The following ZNF93 variants were observed in gnomAD, a reference collection of about 807,000 sequenced individuals.
ZNF93 encodes zinc finger protein 505.
A neutral mutation model predicts 45.0 loss-of-function variants in ZNF93; 29 were observed. That is an observed-to-expected ratio of 0.64 (90% CI 0.48 to 0.88). The LOEUF is 0.88. ZNF93 is among the 40% of genes least tolerant of loss of function. ZNF93 has a pLI of 0.00. For missense variants in ZNF93, 578 were observed against 724.0 expected (o/e 0.80, Z 2.31); for synonymous variants, 223 against 244.6 (o/e 0.91, Z 0.82).
chr19:19,934,856 C>T lies in ZNF93; in HGVS notation c.*38C>T, dbSNP rs2063388363. On this transcript the variant is annotated 3_prime_UTR_variant, in exon 4 of 4. Transcript: ENST00000343769. ...TGTGGCAAAGCCTTCAAGTGGTCCT[C>T]ACACCTTACTATACACTGAGAGTTC... 1.3e-6 allele frequency: 2 copies of T among 1,567,526 alleles called. No homozygotes were observed. Among genetic ancestry groups the T allele is most frequent in the Non-Finnish European group, 1.7e-6 (2 of 1,156,722 alleles).
intron 3 of ZNF93, among the ~76,000 whole-genome samples, chr19:19,923,944 T>C (rs1330322745): frequency 1.3e-5 from 2 of 152,162 alleles, no homozygotes; most frequent in African/African-American, 4.8e-5. Context: ...TGTCCGACAA[T>C]TCCCAGTGAG....
At chr19:19,915,444 T>C in intron 2 of ZNF93, 38 bp downstream of exon 2, 1 of 1,579,968 alleles carries the variant, frequency 6.3e-7, no homozygotes, top group South Asian at 1.2e-5. Context: ...TAATACACCC[T>C]AAAGGTTTTA....
intron 3 of ZNF93, among the ~76,000 whole-genome samples, chr19:19,918,039 G>A (rs1434746686): frequency 1.3e-5 from 2 of 151,080 alleles, no homozygotes; most frequent in African/African-American, 2.4e-5. Flanking sequence ...CCATGTTGGT[G>A]TGCTGCACCC....
At chr19:19,926,704 G>A (rs1180260032) in intron 3 of ZNF93, among the ~76,000 whole-genome samples, 1 of 151,966 alleles carries the variant, frequency 6.6e-6, no homozygotes, top group Non-Finnish European at 1.5e-5. Flanking sequence ...TTTTACTTAA[G>A]TATTATAATT....
intron 3 of ZNF93, among the ~76,000 whole-genome samples, chr19:19,927,600 A>G (rs377244730): frequency 4.6e-5 from 7 of 152,200 alleles, no homozygotes; most frequent in African/African-American, 1.4e-4. Context: ...GGATTAATTC[A>G]GGTGACATAA....
chr19:19,930,563 G>A (rs560001532), intron 3 of ZNF93, among the ~76,000 whole-genome samples: 6 of 140,510 alleles, frequency 4.3e-5, no homozygotes, highest in African/African-American at 7.8e-5. Context: ...GGCAACGGGC[G>A]TCTTCCCAGA....
intron 1 of ZNF93, among the ~76,000 whole-genome samples, chr19:19,914,327 C>T (rs1294625988): frequency 6.6e-6 from 1 of 152,162 alleles, no homozygotes; most frequent in African/African-American, 2.4e-5. Context: ...TACTTGCTCT[C>T]TAGGGTGCTA....
intron 1 of ZNF93, among the ~76,000 whole-genome samples, chr19:19,906,260 T>TA (rs2063292615): frequency 6.6e-6 from 1 of 151,950 alleles, no homozygotes. Flanking sequence ...TCATTGTGGT[T>TA]TTTCTTTAAT....
chr19:19,923,272 G>A (rs1318657264), intron 3 of ZNF93, among the ~76,000 whole-genome samples: 1 of 152,126 alleles, frequency 6.6e-6, no homozygotes, highest in East Asian at 1.9e-4. Flanking sequence ...AGCAAATGTT[G>A]CTGCTCCAGA....
Position 19,933,243 on chromosome 19 carries a change from A to G in ZNF93, c.288A>G (p.Gln96=). The G allele has an allele frequency of 6.2e-7, 1 of 1,605,794 alleles. No individual in the cohort carries two copies. Residue 96 remains glutamine, a synonymous_variant, in exon 4 of 4, where the codon CAA becomes CAG. Coordinates refer to ENST00000343769, the MANE Select transcript of ZNF93 (RefSeq NM_031218.4). The part of the protein sequence containing the change: ...WPEQNIKDSF[Q]KVILRRYEKR... ...AGCAGAACATAAAAGATTCTTTCCA[A>G]AAAGTGATACTGAGAAGATATGAAA...
Position 19,935,446 on chromosome 19 carries a change from T to G in ZNF93, c.*628T>G, listed in dbSNP as rs992146063. The G allele has an allele frequency of 6.6e-6, 1 of 152,486 alleles. No individual in the cohort carries two copies. The allele number at this position is 152,486 out of a possible 1,614,324, so 9.4% of individuals were successfully genotyped here. On this transcript the variant is annotated 3_prime_UTR_variant, in exon 4 of 4. Coordinates refer to ENST00000343769, the MANE Select transcript of ZNF93 (RefSeq NM_031218.4). Reference sequence around the variant, plus strand: ...AGTTTATGAAAACTTGAAAAGGTGTTTGCTCCATCAAATTCAGACACCAGT... The same window carrying G: ...AGTTTATGAAAACTTGAAAAGGTGTGTGCTCCATCAAATTCAGACACCAGT...
At chr19:19,931,438 G>A (rs1238281942) in intron 3 of ZNF93, among the ~76,000 whole-genome samples, 2 of 152,090 alleles carry the variant, frequency 1.3e-5, no homozygotes, top group Non-Finnish European at 2.9e-5. Flanking sequence ...TGATCTGCCT[G>A]CCTCAGCCTC....
rs766043848 is a variant in ZNF93 at position 19,934,428 on chromosome 19, C to G, written c.1473C>G (p.Asn491Lys). Residue 491 changes from asparagine (N) to lysine (K), a missense_variant, in exon 4 of 4, where the codon AAC becomes AAG. This residue lies in a region of ZNF93 where 13 missense variants were observed against 53.3 expected (regional missense o/e 0.24). Transcript: ENST00000343769. Reference sequence around the variant, plus strand: ...GTGAAGAATGTGGCAAAGCTTTTAACCAGTCCTCTTCCCTTACTAAACATA... The same window carrying G: ...GTGAAGAATGTGGCAAAGCTTTTAAGCAGTCCTCTTCCCTTACTAAACATA... ...YKCEECGKAF[N>K]QSSSLTKHKK... 1.2e-6 allele frequency: 2 copies of G among 1,612,006 alleles called. No individual in the cohort carries two copies. The highest frequency in any genetic ancestry group is 1.1e-5 in the South Asian group (1 of 90,946).
intron 1 of ZNF93, among the ~76,000 whole-genome samples, chr19:19,904,059 GAA>G (rs34703441): frequency 0.091 from 10,370 of 113,790 alleles, 839 homozygotes; most frequent in African/African-American, 0.23. Context: ...ATTCTGGCTG[GAA>G]AAAAAAAAAA....
intron 1 of ZNF93, among the ~76,000 whole-genome samples, chr19:19,913,426 G>GT (rs1449590308): frequency 6.6e-6 from 1 of 152,106 alleles, no homozygotes; most frequent in Non-Finnish European, 1.5e-5. Flanking sequence ...CCAGAATCAA[G>GT]TATAAGGGCT....
intron 3 of ZNF93, among the ~76,000 whole-genome samples, chr19:19,923,725 G>A (rs1254184225): frequency 6.6e-6 from 1 of 152,190 alleles, no homozygotes; most frequent in African/African-American, 2.4e-5. Context: ...CCAGGCATGG[G>A]ATATAATCTC....
intron 3 of ZNF93, chr19:19,931,986 A>G (rs1372110920): frequency 2.6e-6 from 1 of 389,014 alleles, no homozygotes; most frequent in Non-Finnish European, 5.0e-6. Flanking sequence ...TATAAAAATT[A>G]TTTTATATGG....
chr19:19,927,484 T>G (rs1268886915), intron 3 of ZNF93, among the ~76,000 whole-genome samples: 1 of 152,216 alleles, frequency 6.6e-6, no homozygotes, highest in African/African-American at 2.4e-5. Context: ...CATTTTACCC[T>G]CTCTCCATAC....
chr19:19,909,317 C>T (rs914795707), intron 1 of ZNF93: 105 of 152,322 alleles, frequency 6.9e-4, no homozygotes, highest in African/African-American at 2.4e-3. Flanking sequence ...GAGTACAGAG[C>T]CACTGCTCTA....
Sources: allele counts gnomAD v4.1 joint callset (sites outside exome capture counted in the v4.1 genomes callset), GRCh38; gene constraint gnomAD v4.1.1; regional missense constraint gnomAD v4.1.1; transcripts MANE v1.5; gene names NCBI Gene and HGNC (gene_info 2026-07-23, HGNC 2026-07-21).